Variants in RGS6 observed in about 807,000 individuals in gnomAD.
The protein encoded by RGS6 is regulator of G protein signaling 6.
Under a neutral mutation model 78.5 loss-of-function variants are expected in RGS6, and 30 were observed. That is an observed-to-expected ratio of 0.38 (90% CI 0.29 to 0.52). The LOEUF (loss-of-function observed/expected upper bound fraction) is 0.52. Ranked by LOEUF, RGS6 falls within the 20% of genes least tolerant of loss-of-function variation. The probability of loss-of-function intolerance (pLI) is 0.85; values close to 1 mark genes in which losing one functional copy is unlikely to be tolerated. For missense variants in RGS6, 495 were observed against 609.7 expected, an observed-to-expected ratio of 0.81 and a Z score of 1.98; for synonymous variants, 206 against 206.0, an observed-to-expected ratio of 1.00 and a Z score of 0.00.
chr14:72,239,779 T>C (rs149938243), intron 2 of RGS6, among the ~76,000 whole-genome samples: 2 of 152,234 alleles, frequency 1.3e-5, no homozygotes, highest in African/African-American at 4.8e-5. Context: ...TTTCTAGCCA[T>C]CCCTCAAATC....
intron 2 of RGS6, among the ~76,000 whole-genome samples, chr14:72,138,581 G>T (rs2096488255): frequency 6.6e-6 from 1 of 150,836 alleles, no homozygotes; most frequent in South Asian, 2.1e-4. Flanking sequence ...CAACTGGTCT[G>T]TGGCCTTTTA....
Position 72,351,914 on chromosome 14 carries a change from C to T in RGS6, c.85-181C>T, listed in dbSNP as rs147777704. 2.6e-4 allele frequency among the ~76,000 whole-genome samples: 40 copies of T among 152,302 alleles called. No individual in the cohort carries two copies. The East Asian group carries it at 5.8e-3, about 22-fold the overall frequency. ...CTCTGTATATAACCTTCAGACCTCCCTATACCCAGCACTTGGTAGATAGCA... is the reference window on the plus strand; with the variant it reads ...CTCTGTATATAACCTTCAGACCTCCTTATACCCAGCACTTGGTAGATAGCA... On this transcript the variant is annotated intron_variant, in intron 2 of 17. Transcript: ENST00000553525.
In RGS6 at chr14:72,366,650, C is replaced by A. The variant is rs113920233; in HGVS notation, c.184+14456C>A. On this transcript the variant is annotated intron_variant, in intron 3 of 17. Transcript: ENST00000553525. ...AAAGGGTACTTCAGAGCCACCCTAC[C>A]AATCCCTTTTCAGGACTACAGACCA... 2.5e-3 allele frequency among the ~76,000 whole-genome samples: 379 copies of A among 152,282 alleles called. 2 individuals are homozygous for A. The highest frequency in any genetic ancestry group is 8.8e-3 in the African/African-American group (367 of 41,564).
rs550786561 is a variant in RGS6, at chr14:71,981,798, C to T, written c.84+16923C>T. Among the ~76,000 whole-genome samples, 8 of 149,960 alleles carry T rather than the reference C, an allele frequency of 5.3e-5. No individual in the cohort carries two copies. The East Asian group carries it at 1.6e-3, about 30-fold the overall frequency. On this transcript the variant is annotated intron_variant, in intron 2 of 17. Coordinates refer to ENST00000553525, the MANE Select transcript of RGS6 (RefSeq NM_001204424.2). ...ACAGAGGCAGGCAGGCCTCCTTGAG[C>T]TGTGGTGGGCTCCACCCAGTTCGAG...
At chr14:72,126,791 CAAT>C (rs2096204680) in intron 2 of RGS6, among the ~76,000 whole-genome samples, 1 of 152,148 alleles carries the variant, frequency 6.6e-6, no homozygotes, top group African/African-American at 2.4e-5. Context: ...ACAGCTGAGT[CAAT>C]AAGGAAAACG....
chr14:72,200,797 A>C (rs1315879194), intron 2 of RGS6, among the ~76,000 whole-genome samples: 1 of 152,078 alleles, frequency 6.6e-6, no homozygotes, highest in African/African-American at 2.4e-5. Flanking sequence ...AAACACAAAA[A>C]GACTCACACA....
chr14:72,404,111 C>T (rs2092710119), intron 3 of RGS6, among the ~76,000 whole-genome samples: 1 of 152,286 alleles, frequency 6.6e-6, no homozygotes, highest in Middle Eastern at 3.4e-3. Flanking sequence ...GCTCGCATGG[C>T]ATGAGGAGGA....
the RGS6 span, among the ~76,000 whole-genome samples, chr14:72,581,874 T>C: frequency 6.6e-6 from 1 of 152,218 alleles, no homozygotes; most frequent in Non-Finnish European, 1.5e-5. Context: ...GGCTGCATAA[T>C]TAACCAATAA....
Position 72,386,878 on chromosome 14 carries a change from A to G in RGS6, c.184+34684A>G, listed in dbSNP as rs1250405575. 2.6e-5 allele frequency among the ~76,000 whole-genome samples: 4 copies of G among 152,202 alleles called. No individual in the cohort carries two copies. The East Asian group carries it at 7.7e-4, about 29-fold the overall frequency. On this transcript the variant is annotated intron_variant, in intron 3 of 17. Coordinates refer to ENST00000553525, the MANE Select transcript of RGS6 (RefSeq NM_001204424.2). ...AAAAGGGCAAAACTATGTTGACAGA[A>G]AACAGATCAATGATTTCCTGGGGTG... is the stretch of plus-strand genomic sequence containing the variant.
intron 2 of RGS6, among the ~76,000 whole-genome samples, chr14:72,001,339 A>G (rs1474405355): frequency 6.6e-6 from 1 of 152,070 alleles, no homozygotes; most frequent in Non-Finnish European, 1.5e-5. Flanking sequence ...TAAAAATAAC[A>G]CTGGAGAATT....
the RGS6 span, among the ~76,000 whole-genome samples, chr14:71,870,479 G>C: frequency 6.6e-6 from 1 of 152,152 alleles, no homozygotes; most frequent in Non-Finnish European, 1.5e-5. Context: ...AGGAGTTGTT[G>C]CTACAGAGGT....
At position 72,498,388 on chromosome 14, in the gene RGS6, G is replaced by C. The variant is rs1435938910; in HGVS notation, c.965+3126G>C. On this transcript the variant is annotated intron_variant, in intron 13 of 17. Transcript: ENST00000553525. ...TCAGAGCAGATCATTCTTTTTGTAT[G>C]CCCAGCTATTTGGAAGACTGCTCAT... Among the ~76,000 whole-genome samples, 9 of 152,002 alleles carry C rather than the reference G, an allele frequency of 5.9e-5. 1 individual carries two copies. The highest frequency in any genetic ancestry group is 5.9e-4 in the Admixed American group (9 of 15,268).
At chr14:72,182,548 A>G (rs997684467) in intron 2 of RGS6, among the ~76,000 whole-genome samples, 1 of 152,194 alleles carries the variant, frequency 6.6e-6, no homozygotes, top group Admixed American at 6.5e-5. Flanking sequence ...CAATAGCACC[A>G]TGGCTTTTTA....
intron 1 of RGS6, among the ~76,000 whole-genome samples, chr14:71,938,354 A>G (rs2089914121): frequency 6.6e-6 from 1 of 152,222 alleles, no homozygotes; most frequent in South Asian, 2.1e-4. Context: ...CCTTCCATGC[A>G]AAGTGCACAG....
chr14:72,438,162 C>A (rs1341589723), intron 3 of RGS6, among the ~76,000 whole-genome samples: 2 of 152,084 alleles, frequency 1.3e-5, no homozygotes, highest in African/African-American at 2.4e-5. Context: ...GAATGGACTG[C>A]CATTGTCACA....
At position 71,966,855 on chromosome 14, in the gene RGS6, T is replaced by C. The variant is rs373530889; in HGVS notation, c.84+1980T>C. ...CTGTTAATAAGTTGTCTAGAGCAAA[T>C]TTATACAGTGAGTTTTTTTTTAAGA... On this transcript the variant is annotated intron_variant, in intron 2 of 17. Coordinates refer to ENST00000553525, the MANE Select transcript of RGS6 (RefSeq NM_001204424.2). 7.2e-5 allele frequency among the ~76,000 whole-genome samples: 11 copies of C among 152,236 alleles called. No individual in the cohort carries two copies. The South Asian group carries it at 1.9e-3, about 26-fold the overall frequency.
chr14:72,516,150 A>T (rs1238473107), intron 14 of RGS6, among the ~76,000 whole-genome samples: 1 of 152,192 alleles, frequency 6.6e-6, no homozygotes, highest in Admixed American at 6.5e-5. Context: ...CTTCCTATAG[A>T]GCCAGGTTCC....
chr14:72,526,806 G>C (rs1310514506), intron 15 of RGS6, among the ~76,000 whole-genome samples: 3 of 152,184 alleles, frequency 2.0e-5, no homozygotes, highest in Non-Finnish European at 4.4e-5. Context: ...TATCTTTTCT[G>C]TTGCCTCTTC....
chr14:72,526,968 G>A (rs1368042917), intron 15 of RGS6, among the ~76,000 whole-genome samples: 3 of 152,306 alleles, frequency 2.0e-5, no homozygotes, highest in South Asian at 4.1e-4. Flanking sequence ...ACATATTCAA[G>A]TCTCTTGAAA....
Sources: allele counts gnomAD v4.1 joint callset (sites outside exome capture counted in the v4.1 genomes callset), GRCh38; gene constraint gnomAD v4.1.1; transcripts MANE v1.5; gene names NCBI Gene and HGNC (gene_info 2026-07-23, HGNC 2026-07-21).